The following UBIAD1 variants were observed in gnomAD, a reference collection of about 807,000 sequenced individuals.
The protein encoded by UBIAD1 is UbiA prenyltransferase domain containing 1, also known as ubiA prenyltransferase domain-containing protein 1.
In UBIAD1, 12 loss-of-function variants were observed where a neutral mutation model predicts 20.1. The ratio of observed to expected loss-of-function variants is 0.60; its 90% CI spans 0.38 to 0.97. UBIAD1 has a LOEUF of 0.97. Among genes scored for constraint, UBIAD1 ranks in the 50% least tolerant of loss-of-function variants. The pLI is 0.00. For missense variants in UBIAD1, 333 were observed against 419.5 expected (o/e 0.79, Z 1.80); for synonymous variants, 207 against 189.2 (o/e 1.09, Z -0.77).
chr1:11,293,859 A>G (rs1638404706), intron 1 of UBIAD1, among the ~76,000 whole-genome samples: 1 of 152,234 alleles, frequency 6.6e-6, no homozygotes, highest in African/African-American at 2.4e-5. Context: ...TATTTGTAGT[A>G]GAAACGGGAT....
intron 1 of UBIAD1, chr1:11,279,264 T>C: frequency 4.4e-6 from 1 of 226,590 alleles, no homozygotes; most frequent in East Asian, 1.1e-4. Flanking sequence ...CAGTTAATCA[T>C]ACCATTGCCT....
chr1:11,293,015 G>A (rs142461230), downstream of UBIAD1, among the ~76,000 whole-genome samples: 969 of 152,276 alleles, frequency 6.4e-3, 16 homozygotes, highest in African/African-American at 0.022. Flanking sequence ...GGGGGCAAAG[G>A]CTGAGTCTGG....
chr1:11,274,830 G>A (rs895870699), intron 1 of UBIAD1, among the ~76,000 whole-genome samples: 1 of 151,986 alleles, frequency 6.6e-6, no homozygotes, highest in African/African-American at 2.4e-5. Context: ...GGCTGGTCTT[G>A]AACTCCTGAC....
At chr1:11,278,126 T>A (rs1652119718) in intron 1 of UBIAD1, among the ~76,000 whole-genome samples, 1 of 151,922 alleles carries the variant, frequency 6.6e-6, no homozygotes, top group Non-Finnish European at 1.5e-5. Flanking sequence ...CCTGGTTAAT[T>A]TTTGGATTTT....
rs1638266185 is a variant in UBIAD1 at position 11,286,624 on chromosome 1, C to G, written c.*493C>G. On this transcript the variant is annotated 3_prime_UTR_variant, in exon 2 of 2. Coordinates refer to ENST00000376810, the MANE Select transcript of UBIAD1 (RefSeq NM_013319.3). ...GGCTACCTGTCTCTTATTCTCAGCA[C>G]CTGTGTCCTGAGATACGCTGCCTGA... The G allele has an allele frequency of 5.0e-6, 1 of 199,446 alleles. No homozygotes were observed. The highest frequency in any genetic ancestry group is 2.4e-5 in the African/African-American group (1 of 42,254). 12.4% of individuals were successfully genotyped at this position (199,446 alleles called of 1,614,324 possible).
intron 1 of UBIAD1, among the ~76,000 whole-genome samples, chr1:11,278,173 G>A (rs1448348650): frequency 1.3e-5 from 2 of 152,000 alleles, no homozygotes; most frequent in African/African-American, 4.8e-5. Context: ...GGCCAGGCTG[G>A]TCTTGAACTC....
At chr1:11,284,432 TGGGGGA>T (rs1293203083) in intron 1 of UBIAD1, among the ~76,000 whole-genome samples, 1 of 151,914 alleles carries the variant, frequency 6.6e-6, no homozygotes, top group Non-Finnish European at 1.5e-5. Context: ...AAGTGTATGT[TGGGGGA>T]GGGGGTGGTC....
At chr1:11,293,785 C>T (rs1287786794) in intron 1 of UBIAD1, among the ~76,000 whole-genome samples, 1 of 152,232 alleles carries the variant, frequency 6.6e-6, no homozygotes, top group South Asian at 2.1e-4. Flanking sequence ...AAGCGATTCT[C>T]CTGCCTCAGC....
rs1031417449 is a variant in UBIAD1, at chr1:11,273,237, C to T, written c.-295C>T. 2 of 418,632 alleles carry T rather than the reference C, an allele frequency of 4.8e-6. No homozygotes were observed. Among genetic ancestry groups the T allele is most frequent in the Non-Finnish European group, 8.8e-6 (2 of 228,306 alleles). 25.9% of individuals were successfully genotyped at this position (418,632 alleles called of 1,614,324 possible). A position where few individuals can be genotyped will look rare whatever the true frequency, so the allele number is the denominator to read the frequency against. On this transcript the variant is annotated 5_prime_UTR_variant, in exon 1 of 2. Coordinates refer to ENST00000376810, the MANE Select transcript of UBIAD1 (RefSeq NM_013319.3). The surrounding 1 kb of genome is among the most constrained non-coding windows in gnomAD (Gnocchi z 4.9). ...CTCCAGAGGCCGGCGCACAAGATGG[C>T]GGCTCTGGCGGCCTAAAGAAGGCGG...
intron 1 of UBIAD1, among the ~76,000 whole-genome samples, chr1:11,284,214 TG>T (rs1244361206): frequency 6.6e-6 from 1 of 152,106 alleles, no homozygotes; most frequent in Non-Finnish European, 1.5e-5. Flanking sequence ...GAGGTGGTCC[TG>T]GGGAATGGTC....
chr1:11,294,579 C>G (rs923591561), intron 1 of UBIAD1, among the ~76,000 whole-genome samples: 1 of 152,180 alleles, frequency 6.6e-6, no homozygotes, highest in Non-Finnish European at 1.5e-5. Flanking sequence ...AGAGGTGGCC[C>G]ATGTGCCAGT....
Position 11,287,118 on chromosome 1 carries a change from G to A in UBIAD1, c.*987G>A, listed in dbSNP as rs904575463. On this transcript the variant is annotated 3_prime_UTR_variant, in exon 2 of 2. Coordinates refer to ENST00000376810, the MANE Select transcript of UBIAD1 (RefSeq NM_013319.3). ...CCAGACTGAGCAATAGCTTAGCAGC[G>A]AGTCAGGGACAGCTGCCACTTTCCA... The A allele has an allele frequency of 1.3e-5, 2 of 152,182 alleles. No individual in the cohort carries two copies. The highest frequency in any genetic ancestry group is 4.8e-5 in the African/African-American group (2 of 41,320). 9.4% of individuals were successfully genotyped at this position (152,182 alleles called of 1,614,324 possible).
chr1:11,286,010 A>G lies in UBIAD1; in HGVS notation c.896A>G (p.Gln299Arg), dbSNP rs1279371556. 1.2e-6 allele frequency: 2 copies of G among 1,614,200 alleles called. No homozygotes were observed. Among genetic ancestry groups the G allele is most frequent in the East Asian group, 4.5e-5 (2 of 44,880 alleles). Residue 299 changes from glutamine (Q) to arginine (R), a missense_variant, in exon 2 of 2, where the codon CAG (glutamine) becomes CGG (arginine). This residue lies in a region of UBIAD1 where 226 missense variants were observed against 263.5 expected (regional missense o/e 0.86). Transcript: ENST00000376810. ...TIPMAFSLERQFRSQAFNKLP... is the reference protein window; with the variant it reads ...TIPMAFSLERRFRSQAFNKLP... ...CCCATGGCCTTCTCCCTTGAGAGAC[A>G]GTTTCGAAGCCAGGCCTTCAACAAA...
At chr1:11,277,733 C>T (rs553003221) in intron 1 of UBIAD1, among the ~76,000 whole-genome samples, 1 of 152,280 alleles carries the variant, frequency 6.6e-6, no homozygotes, top group South Asian at 2.1e-4. Flanking sequence ...CCACAACCTC[C>T]ACCTCCGGGG....
chr1:11,289,631 C>T (rs920251678), downstream of UBIAD1, among the ~76,000 whole-genome samples: 7 of 152,028 alleles, frequency 4.6e-5, no homozygotes, highest in Admixed American at 1.3e-4. Flanking sequence ...GGCGTGATCT[C>T]GGCTCACTGC....
Position 11,273,486 on chromosome 1 carries a change from G to C in UBIAD1, c.-46G>C. The C allele has an allele frequency of 6.2e-7, 1 of 1,608,750 alleles. No homozygotes were observed. Among genetic ancestry groups the C allele is most frequent in the Non-Finnish European group, 8.5e-7 (1 of 1,179,760 alleles). The stretch of plus-strand genomic sequence containing the variant: ...CCTTCCTCCTTCCCGGGCGGTCACT[G>C]TGCGTGGCTCACTTTTAGAGTTTAC... On this transcript the variant is annotated 5_prime_UTR_variant, in exon 1 of 2. Transcript: ENST00000376810. This position sits in a 1 kb window ranked among gnomAD's most constrained non-coding sequence, Gnocchi z 4.9.
chr1:11,280,821 G>A (rs1652217547), intron 1 of UBIAD1, among the ~76,000 whole-genome samples: 1 of 152,046 alleles, frequency 6.6e-6, no homozygotes, highest in African/African-American at 2.4e-5. Flanking sequence ...CCTCTGTTCT[G>A]GTCCCATTCA....
intron 1 of UBIAD1, among the ~76,000 whole-genome samples, chr1:11,280,539 T>C (rs755813874): frequency 6.6e-6 from 1 of 152,234 alleles, no homozygotes; most frequent in Non-Finnish European, 1.5e-5. Flanking sequence ...TTAACATGTC[T>C]GAGACCAAAT....
At chr1:11,277,131 G>A (rs1036164279) in intron 1 of UBIAD1, among the ~76,000 whole-genome samples, 2 of 151,938 alleles carry the variant, frequency 1.3e-5, no homozygotes, top group African/African-American at 2.4e-5. Flanking sequence ...CAGCTACTTG[G>A]GAGGCTGAGG....
Sources: allele counts gnomAD v4.1 joint callset (sites outside exome capture counted in the v4.1 genomes callset), GRCh38; gene constraint gnomAD v4.1.1; regional missense constraint gnomAD v4.1.1; non-coding constraint Gnocchi (gnomAD v3.1); transcripts MANE v1.5; gene names NCBI Gene and HGNC (gene_info 2026-07-23, HGNC 2026-07-21).